PDLIM2: variants seen among roughly 807,000 people sequenced by gnomAD.
PDLIM2 encodes the protein PDZ and LIM domain protein 2.
In PDLIM2, 51 loss-of-function variants were observed where a neutral mutation model predicts 54.1. The observed-to-expected ratio is 0.94, with a 90% CI of 0.75 to 1.19. The LOEUF (loss-of-function observed/expected upper bound fraction) is 1.19. Among genes scored for constraint, PDLIM2 ranks in the 50% most tolerant of loss-of-function variants. PDLIM2 has a pLI of 0.00. For synonymous variants in PDLIM2, 398 were observed against 385.6 expected (o/e 1.03, Z -0.38); for missense variants, 912 against 874.0 (o/e 1.04, Z -0.55).
At chr8:22,580,113 C>A (rs568773428) in intron 1 of PDLIM2, 4 of 229,298 alleles carry the variant, frequency 1.7e-5, no homozygotes, top group African/African-American at 9.3e-5. Flanking sequence ...TTCCTTGACC[C>A]GTCACTCCTG....
intron 6 of PDLIM2, 41 bp downstream of exon 5, chr8:22,585,440 C>T (rs1481614511): frequency 6.4e-7 from 1 of 1,555,892 alleles, no homozygotes; most frequent in Non-Finnish European, 8.7e-7. Context: ...GGAACAGAAG[C>T]ACCTCCCGTT....
intron 6 of PDLIM2, chr8:22,587,958 G>C (rs576663675): frequency 1.3e-5 from 2 of 152,344 alleles, no homozygotes; most frequent in Non-Finnish European, 1.5e-5. Flanking sequence ...CCTCTGGTTG[G>C]GAATGAGGAC....
Position 22,584,909 on chromosome 8 carries a change from C to T in PDLIM2, c.1065+19C>T. 1.9e-6 allele frequency: 3 copies of T among 1,614,106 alleles called. No homozygotes were observed. Among genetic ancestry groups the T allele is most frequent in the Non-Finnish European group, 2.5e-6 (3 of 1,179,974 alleles). On this transcript the variant is annotated intron_variant, in intron 4 of 9. Coordinates refer to ENST00000308354, the Ensembl canonical transcript of PDLIM2. ...CTTCCAGGTAAGCTGGTGCCCTCCC[C>T]TGACAGCCTCAGCACCCTGATCACT...
At chr8:22,579,269 G>C in exon 1 of PDLIM2, 1 of 1,361,080 alleles carries the variant, frequency 7.3e-7, no homozygotes, top group East Asian at 3.1e-5. Flanking sequence ...CGCCCTCCCC[G>C]GCGCCGGGCT....
At chr8:22,593,820 C>A in exon 10 of PDLIM2, 1 of 1,599,722 alleles carries the variant, frequency 6.3e-7, no homozygotes, top group Non-Finnish European at 8.5e-7. Flanking sequence ...TGAAGATGCG[C>A]GGGCACTTCT....
downstream of PDLIM2, chr8:22,594,476 A>C: frequency 6.2e-7 from 1 of 1,612,330 alleles, no homozygotes; most frequent in South Asian, 1.1e-5. Context: ...TGCCTCTTTT[A>C]GGTTGGGAGT....
At chr8:22,586,752 G>A (rs1800392872) in intron 6 of PDLIM2, among the ~76,000 whole-genome samples, 1 of 152,184 alleles carries the variant, frequency 6.6e-6, no homozygotes, top group Non-Finnish European at 1.5e-5. Context: ...GCCTTCCCGA[G>A]CTTCCCCATC....
chr8:22,583,743 G>T (rs1800280930), intron 3 of PDLIM2, among the ~76,000 whole-genome samples: 1 of 151,188 alleles, frequency 6.6e-6, no homozygotes, highest in South Asian at 2.1e-4. Context: ...CTCCAGCCTG[G>T]GTGACAGAGC....
At chr8:22,584,878 G>C (rs375066735) in exon 4 of PDLIM2, 2 of 1,613,994 alleles carry the variant, frequency 1.2e-6, no homozygotes, top group Non-Finnish European at 8.5e-7. Flanking sequence ...AAGTGCTGGC[G>C]ACTCGCTTCC....
chr8:22,579,316 C>A (rs546407581), exon 1 of PDLIM2: 11 of 1,424,878 alleles, frequency 7.7e-6, no homozygotes, highest in Admixed American at 3.1e-5. Context: ...ACCCTGGCCT[C>A]GTCCGCGGCC....
exon 3 of PDLIM2, chr8:22,581,383 C>T: frequency 1.9e-6 from 3 of 1,599,854 alleles, no homozygotes; most frequent in South Asian, 1.1e-5. Flanking sequence ...CTACAGGTGG[C>T]CGAGCGGGGC....
chr8:22,593,085 T>G (rs1240417073), intron 9 of PDLIM2: 1 of 152,464 alleles, frequency 6.6e-6, no homozygotes, highest in Non-Finnish European at 1.5e-5. Flanking sequence ...TGTTGCCCAG[T>G]TTGGTTTCAA....
chr8:22,582,297 G>T (rs889689620), intron 3 of PDLIM2, among the ~76,000 whole-genome samples: 1 of 152,198 alleles, frequency 6.6e-6, no homozygotes, highest in African/African-American at 2.4e-5. Flanking sequence ...CAACTGCCCT[G>T]CCCTGTGGTG....
At chr8:22,581,268 G>T (rs896053465) in intron 2 of PDLIM2, 111 bp from the exon 2 acceptor site, 2 of 1,386,096 alleles carry the variant, frequency 1.4e-6, no homozygotes, top group Non-Finnish European at 2.0e-6. Context: ...ATGCAGGAGG[G>T]TGCAGGCCGG....
chr8:22,589,918 C>CCATA, intron 8 of PDLIM2, 177 bp downstream of exon 7: 1 of 364,162 alleles, frequency 2.7e-6, no homozygotes. Flanking sequence ...GCTGACGGTC[C>CCATA]GGGAGGGTCC....
downstream of PDLIM2, chr8:22,594,782 A>T: frequency 7.3e-7 from 1 of 1,361,282 alleles, no homozygotes; most frequent in Non-Finnish European, 9.7e-7. Flanking sequence ...TGGAGGGGGG[A>T]AAAAGGGCAG....
intron 9 of PDLIM2, chr8:22,593,434 A>G (rs1402181645): frequency 2.9e-6 from 1 of 345,318 alleles, no homozygotes; most frequent in Non-Finnish European, 5.2e-6. Flanking sequence ...AAACTTAGCC[A>G]GGTGTGGTCG....
At chr8:22,597,257 C>G (rs1389394876), downstream of PDLIM2, 1 of 152,050 alleles carries the variant, frequency 6.6e-6, no homozygotes, top group Non-Finnish European at 1.5e-5. Flanking sequence ...GACGGGCTGC[C>G]CCTCCCATTC....
chr8:22,591,680 G>C lies in PDLIM2; in HGVS notation c.1631+12G>C. 1.3e-6 allele frequency: 2 copies of C among 1,597,968 alleles called. No individual in the cohort carries two copies. The highest frequency in any genetic ancestry group is 4.5e-5 in the East Asian group (2 of 44,662). On this transcript the variant is annotated intron_variant, in intron 9 of 9. Transcript: ENST00000308354. ...AGTACCAGCATCGCGTGAGTGTGGA[G>C]GGGGGTGGGGGACCTGAGCCTTCAC...
Sources: gnomAD v4.1 joint callset for allele counts (sites outside exome capture counted in the v4.1 genomes callset) on GRCh38, gnomAD v4.1.1 for gene constraint, MANE v1.5 for transcripts, NCBI Gene and HGNC (gene_info 2026-07-23, HGNC 2026-07-21) for gene names.